Variants in UNC79 observed in about 807,000 individuals in gnomAD.
UNC79 encodes the protein unc-79 subunit of NALCN channel complex.
A neutral mutation model predicts 283.1 loss-of-function variants in UNC79; 37 were observed. The ratio of observed to expected loss-of-function variants is 0.13; its 90% CI spans 0.10 to 0.17. The LOEUF (loss-of-function observed/expected upper bound fraction) is 0.17. UNC79 is among the 10% of genes least tolerant of loss of function. The pLI, the probability that UNC79 is intolerant of heterozygous loss-of-function variation, is 1.00. For missense variants in UNC79, 2,272 were observed against 3,211.1 expected (o/e 0.71, Z 7.07); for synonymous variants, 1,107 against 1,200.2 (o/e 0.92, Z 1.61).
At chr14:93,416,508 G>A (rs1277257445) in intron 1 of UNC79, among the ~76,000 whole-genome samples, 1 of 152,144 alleles carries the variant, frequency 6.6e-6, no homozygotes, top group South Asian at 2.1e-4. Context: ...TTGATTTGGG[G>A]TGCAGAGTTC....
chr14:93,347,352 C>T (rs1389396955), intron 1 of UNC79: 1 of 1,593,868 alleles, frequency 6.3e-7, no homozygotes, highest in Admixed American at 1.7e-5. Flanking sequence ...CTCCCCGCTT[C>T]GCCCACTCGG....
intron 26 of UNC79, among the ~76,000 whole-genome samples, chr14:93,610,251 A>G (rs74590961): frequency 0.019 from 2,869 of 152,276 alleles, 38 homozygotes; most frequent in Non-Finnish European, 0.03. Context: ...TTTCTTCTGT[A>G]TTGAGGTCCC....
At chr14:93,613,715 G>T (rs1004977209) in intron 27 of UNC79, among the ~76,000 whole-genome samples, 6 of 152,068 alleles carry the variant, frequency 3.9e-5, no homozygotes, top group African/African-American at 1.4e-4. Context: ...CGCCCGGCCA[G>T]TATATTTGGT....
At chr14:93,541,192 C>T (rs954076384) in intron 13 of UNC79, among the ~76,000 whole-genome samples, 1 of 152,170 alleles carries the variant, frequency 6.6e-6, no homozygotes, top group African/African-American at 2.4e-5. Flanking sequence ...ATAACATATA[C>T]AGATAATTCA....
At chr14:93,650,689 C>T (rs1337882022) in intron 35 of UNC79, among the ~76,000 whole-genome samples, 2 of 151,958 alleles carry the variant, frequency 1.3e-5, no homozygotes, top group African/African-American at 4.8e-5. Context: ...GAATACTAGT[C>T]CTTTGTTAAG....
At chr14:93,677,673 G>C (rs2073462783) in intron 41 of UNC79, among the ~76,000 whole-genome samples, 1 of 151,688 alleles carries the variant, frequency 6.6e-6, no homozygotes, top group East Asian at 1.9e-4. Context: ...TTTTTGAAAT[G>C]GAGGCTTGCT....
intron 14 of UNC79, among the ~76,000 whole-genome samples, chr14:93,570,993 T>C (rs2063175069): frequency 2.6e-5 from 4 of 152,204 alleles, no homozygotes; most frequent in Admixed American, 2.6e-4. Context: ...ATTATAGAAA[T>C]ATAGTCATTT....
intron 1 of UNC79, among the ~76,000 whole-genome samples, chr14:93,387,859 A>G (rs1335019810): frequency 1.3e-5 from 2 of 152,156 alleles, no homozygotes; most frequent in Admixed American, 6.5e-5. Context: ...CTATTATTGT[A>G]TTGGAGTCTA....
intron 8 of UNC79, among the ~76,000 whole-genome samples, chr14:93,525,619 A>G (rs2060513254): frequency 1.3e-5 from 2 of 152,180 alleles, no homozygotes; most frequent in South Asian, 2.1e-4. Context: ...TAGTTTATTC[A>G]TATAGTTCAG....
At chr14:93,356,347 A>G (rs1218424580) in intron 1 of UNC79, among the ~76,000 whole-genome samples, 1 of 152,184 alleles carries the variant, frequency 6.6e-6, no homozygotes, top group Non-Finnish European at 1.5e-5. Flanking sequence ...TCACTCTTGT[A>G]GGCTGCAACC....
intron 5 of UNC79, among the ~76,000 whole-genome samples, chr14:93,495,609 G>T (rs1489248130): frequency 6.6e-6 from 1 of 152,186 alleles, no homozygotes; most frequent in African/African-American, 2.4e-5. Context: ...ATGAAGCCAA[G>T]GAGTGTTTCA....
chr14:93,549,844 G>A (rs923188234), intron 14 of UNC79, among the ~76,000 whole-genome samples: 1 of 152,232 alleles, frequency 6.6e-6, no homozygotes, highest in African/African-American at 2.4e-5. Flanking sequence ...GTTTATACAT[G>A]CAGCTAGGTT....
chr14:93,370,713 A>G (rs1292629361), intron 1 of UNC79, among the ~76,000 whole-genome samples: 1 of 152,180 alleles, frequency 6.6e-6, no homozygotes, highest in Non-Finnish European at 1.5e-5. Context: ...TGGAGGTTGC[A>G]GTGAGCTGAG....
chr14:93,659,269 T>A lies in UNC79; in HGVS notation c.6525+8T>A, dbSNP rs368096636. 29 of 1,601,574 alleles carry A rather than the reference T, an allele frequency of 1.8e-5. No individual in the cohort carries two copies. In the African/African-American group the frequency reaches 3.6e-4, roughly 20 times the overall value. On this transcript the variant is annotated splice_region_variant and intron_variant, in intron 39 of 48. Coordinates refer to ENST00000555664, the Ensembl canonical transcript of UNC79. ...TCTACCAATGCTACAAGGGTATGTA[T>A]GTTTCAGAAAAACATAACCAATTGG...
intron 8 of UNC79, among the ~76,000 whole-genome samples, chr14:93,526,225 G>C (rs1567051660): frequency 6.6e-6 from 1 of 151,930 alleles, no homozygotes. Context: ...TCCTGTGCTG[G>C]GGCCATTTTT....
intron 30 of UNC79, 29 bp downstream of exon 32, chr14:93,622,870 C>A: frequency 1.3e-6 from 2 of 1,596,304 alleles, no homozygotes; most frequent in Non-Finnish European, 1.7e-6. Context: ...TTTCTCTCAG[C>A]CTTAACTTTA....
intron 29 of UNC79, among the ~76,000 whole-genome samples, chr14:93,619,387 T>A (rs753558934): frequency 6.6e-6 from 1 of 152,212 alleles, no homozygotes; most frequent in Non-Finnish European, 1.5e-5. Flanking sequence ...TCTTGTGGTC[T>A]TTCAGTCTTG....
At position 93,668,147 on chromosome 14, in the gene UNC79, C is replaced by T. The variant is rs1478990006; in HGVS notation, c.6637-5204C>T. 3.3e-5 allele frequency among the ~76,000 whole-genome samples: 5 copies of T among 152,010 alleles called. No homozygotes were observed. The South Asian group carries it at 8.3e-4, about 25-fold the overall frequency. On this transcript the variant is annotated intron_variant, in intron 40 of 48. Coordinates refer to ENST00000555664, the Ensembl canonical transcript of UNC79. The stretch of plus-strand genomic sequence containing the variant: ...TCTATTTATCATGGTGCTGGAGGTC[C>T]CATTCAGTTCTGCAAGACAGGAAGA...
At chr14:93,704,902 G>A (rs2075768875) in intron 48 of UNC79, among the ~76,000 whole-genome samples, 1 of 152,110 alleles carries the variant, frequency 6.6e-6, no homozygotes. Context: ...GTGGAGGGCG[G>A]TATCCCAGGG....
Sources: allele counts gnomAD v4.1 joint callset (sites outside exome capture counted in the v4.1 genomes callset), GRCh38; gene constraint gnomAD v4.1.1; transcripts MANE v1.5; gene names NCBI Gene and HGNC (gene_info 2026-07-23, HGNC 2026-07-21).